The following B4GALT1 variants were observed in gnomAD, a reference collection of about 807,000 sequenced individuals.
B4GALT1 encodes the protein N-acetyllactosamine synthase.
Under a neutral mutation model 34.9 loss-of-function variants are expected in B4GALT1, and 16 were observed. The ratio of observed to expected loss-of-function variants is 0.46; its 90% CI spans 0.31 to 0.70. B4GALT1 has a LOEUF of 0.70. Ranked by LOEUF, B4GALT1 falls within the 30% of genes least tolerant of loss-of-function variation. The probability of loss-of-function intolerance (pLI) is 0.05; values close to 1 mark genes in which losing one functional copy is unlikely to be tolerated. For synonymous variants in B4GALT1, 221 were observed against 218.1 expected (o/e 1.01, Z -0.12); for missense variants, 445 against 530.5 (o/e 0.84, Z 1.58).
At chr9:33,147,449 G>A (rs574698582) in intron 1 of B4GALT1, among the ~76,000 whole-genome samples, 1 of 152,116 alleles carries the variant, frequency 6.6e-6, no homozygotes, top group Non-Finnish European at 1.5e-5. Flanking sequence ...GTTTCACCGT[G>A]TTGGCCGGGC....
the B4GALT1 span, among the ~76,000 whole-genome samples, chr9:33,172,997 G>A: frequency 2.0e-4 from 30 of 152,154 alleles, no homozygotes; most frequent in African/African-American, 7.2e-4. Context: ...AGCAAAAAGG[G>A]CCTCAGGACC....
At chr9:33,115,233 C>G (rs1839922375) in intron 4 of B4GALT1, among the ~76,000 whole-genome samples, 1 of 152,186 alleles carries the variant, frequency 6.6e-6, no homozygotes, top group Admixed American at 6.5e-5. Flanking sequence ...CTGACAGACA[C>G]CTTCTGTTAA....
intron 1 of B4GALT1, among the ~76,000 whole-genome samples, chr9:33,166,062 G>T (rs1283064224): frequency 6.6e-6 from 1 of 152,186 alleles, no homozygotes; most frequent in Non-Finnish European, 1.5e-5. Flanking sequence ...CATACCAGGA[G>T]GAGGCTAGGG....
upstream of B4GALT1, chr9:33,167,357 G>T: frequency 1.4e-6 from 1 of 723,106 alleles, no homozygotes; most frequent in Non-Finnish European, 1.9e-6. Context: ...CGCCCGAGGC[G>T]CCGGCGGAGA....
intron 2 of B4GALT1, among the ~76,000 whole-genome samples, chr9:33,133,455 G>A (rs1398086763): frequency 1.3e-5 from 2 of 152,210 alleles, no homozygotes; most frequent in Admixed American, 1.3e-4. Flanking sequence ...CGCTGCCACT[G>A]CTTTAATAAC....
At chr9:33,138,221 C>T (rs958532) in intron 1 of B4GALT1, among the ~76,000 whole-genome samples, 8,083 of 152,248 alleles carry the variant, frequency 0.053, 312 homozygotes, top group Non-Finnish European at 0.086. Flanking sequence ...TCAAGAGCCC[C>T]GGACAGGAGA....
Position 33,113,207 on chromosome 9 carries a change from C to T in B4GALT1, c.*247G>A. 1 of 565,006 alleles carries T rather than the reference C, an allele frequency of 1.8e-6. No individual in the cohort carries two copies. Among genetic ancestry groups the T allele is most frequent in the East Asian group, 3.2e-5 (1 of 31,240 alleles). 35.0% of individuals were successfully genotyped at this position (565,006 alleles called of 1,614,324 possible). ...GTACAGTTCTGACTCTGGGGTGACA[C>T]TGCGAACACATCAAGAAACCCGCAA... On this transcript the variant is annotated 3_prime_UTR_variant, in exon 6 of 6. Transcript: ENST00000379731.
At chr9:33,173,416 C>CAAAAAAAAAAAAAAAAAAAA in the B4GALT1 span, among the ~76,000 whole-genome samples, 1 of 101,224 alleles carries the variant, frequency 9.9e-6, no homozygotes. Context: ...AAAAAAAAAG[C>CAAAAAAAAAAAAAAAAAAAA]AAAAAAAAAA....
At chr9:33,118,325 G>A (rs116004634) in intron 3 of B4GALT1, among the ~76,000 whole-genome samples, 248 of 152,162 alleles carry the variant, frequency 1.6e-3, no homozygotes, top group African/African-American at 5.6e-3. Context: ...AGCAAGGGAG[G>A]ACAGGAAGAA....
chr9:33,155,509 C>CA (rs1300860224), intron 1 of B4GALT1, among the ~76,000 whole-genome samples: 3 of 152,214 alleles, frequency 2.0e-5, no homozygotes, highest in Non-Finnish European at 4.4e-5. Flanking sequence ...TACTGATGAA[C>CA]AACGTCCACC....
chr9:33,120,715 G>T, intron 2 of B4GALT1, 109 bp from the exon 3 acceptor site: 1 of 1,147,034 alleles, frequency 8.7e-7, no homozygotes, highest in Non-Finnish European at 1.3e-6. Flanking sequence ...GAAACTCTTG[G>T]GCCTCACTTT....
the B4GALT1 span, among the ~76,000 whole-genome samples, chr9:33,176,843 T>A: frequency 6.6e-6 from 1 of 152,094 alleles, no homozygotes; most frequent in African/African-American, 2.4e-5. Context: ...ATCTAACATT[T>A]TTTTTTAAAT....
intron 1 of B4GALT1, among the ~76,000 whole-genome samples, chr9:33,159,490 A>G (rs1466035905): frequency 1.3e-5 from 2 of 152,192 alleles, no homozygotes; most frequent in Non-Finnish European, 2.9e-5. Flanking sequence ...GAGAGAATTT[A>G]TCTCCACTGA....
At chr9:33,164,013 A>C (rs913639648) in intron 1 of B4GALT1, among the ~76,000 whole-genome samples, 1 of 152,122 alleles carries the variant, frequency 6.6e-6, no homozygotes, top group Non-Finnish European at 1.5e-5. Flanking sequence ...ACCCAAGTCT[A>C]TCTGAAGACT....
chr9:33,171,001 C>G (rs901001335), upstream of B4GALT1, among the ~76,000 whole-genome samples: 10 of 152,272 alleles, frequency 6.6e-5, no homozygotes, highest in Non-Finnish European at 1.5e-4. Context: ...CTCCCTGCAG[C>G]TGGCCTTCCT....
rs970653369 is a variant in B4GALT1 at position 33,144,524 on chromosome 9, C to T, written c.413-9100G>A. On this transcript the variant is annotated intron_variant, in intron 1 of 5. Transcript: ENST00000379731. ...AAGTGCTGGGATTACAGGCATGAGCCACCATGCCCAGCCCATTTTCTCTTT... is the reference window on the plus strand; with the variant it reads ...AAGTGCTGGGATTACAGGCATGAGCTACCATGCCCAGCCCATTTTCTCTTT... Among the ~76,000 whole-genome samples the T allele has an allele frequency of 1.2e-4, 19 of 152,370 alleles. No individual in the cohort carries two copies. The East Asian group carries it at 3.5e-3, about 28-fold the overall frequency.
chr9:33,107,743 G>A (rs1011544071), downstream of B4GALT1, among the ~76,000 whole-genome samples: 1 of 152,136 alleles, frequency 6.6e-6, no homozygotes, highest in Non-Finnish European at 1.5e-5. Flanking sequence ...GCCTGTCCTT[G>A]GCCCTCTTCC....
At chr9:33,143,501 C>T (rs1389950690) in intron 1 of B4GALT1, among the ~76,000 whole-genome samples, 1 of 152,258 alleles carries the variant, frequency 6.6e-6, no homozygotes, top group South Asian at 2.1e-4. Flanking sequence ...ATTGCAGAGG[C>T]TTTCATGCTG....
rs1839892277 is a variant in B4GALT1 at position 33,113,405 on chromosome 9, A to C, written c.*49T>G. On this transcript the variant is annotated 3_prime_UTR_variant, in exon 6 of 6. Coordinates refer to ENST00000379731, the MANE Select transcript of B4GALT1 (RefSeq NM_001497.4). ...GCCCAGCAGATTGGCAGAGACACAC[A>C]GCAGAGGTCCCTGGCTAATTTCAGG... The C allele has an allele frequency of 6.2e-7, 1 of 1,613,448 alleles. No individual in the cohort carries two copies.
Sources: gnomAD v4.1 joint callset for allele counts (sites outside exome capture counted in the v4.1 genomes callset) on GRCh38, gnomAD v4.1.1 for gene constraint, MANE v1.5 for transcripts, NCBI Gene and HGNC (gene_info 2026-07-23, HGNC 2026-07-21) for gene names.